The following NRXN1 variants were observed in gnomAD, a reference collection of about 807,000 sequenced individuals.
NRXN1 encodes the protein neurexin-1.
NRXN1 carries 39 observed loss-of-function variants against 150.9 expected under a neutral mutation model. That is an observed-to-expected ratio of 0.26 (90% CI 0.20 to 0.34). NRXN1 has a LOEUF of 0.34. Ranked by LOEUF, NRXN1 falls within the 10% of genes least tolerant of loss-of-function variation. The pLI, the probability that NRXN1 is intolerant of heterozygous loss-of-function variation, is 1.00. For synonymous variants in NRXN1, 924 were observed against 757.0 expected (o/e 1.22, Z -3.62); for missense variants, 1,815 against 1,949.9 (o/e 0.93, Z 1.30).
chr2:50,319,001 A>T (rs1191431964), intron 17 of NRXN1, among the ~76,000 whole-genome samples: 1 of 152,122 alleles, frequency 6.6e-6, no homozygotes, highest in African/African-American at 2.4e-5. Context: ...GCAGTTTAAT[A>T]AACATAATAA....
At chr2:50,297,142 G>C (rs2073681376) in intron 17 of NRXN1, among the ~76,000 whole-genome samples, 1 of 152,132 alleles carries the variant, frequency 6.6e-6, no homozygotes, top group African/African-American at 2.4e-5. Flanking sequence ...ACCCGCCTCA[G>C]CCTCCCAAAG....
chr2:50,517,991 G>T (rs2092678263), intron 12 of NRXN1, among the ~76,000 whole-genome samples: 1 of 151,972 alleles, frequency 6.6e-6, no homozygotes, highest in Non-Finnish European at 1.5e-5. Context: ...GAATAAACAA[G>T]GTTAAAATCA....
chr2:50,323,282 G>A (rs1337467999), intron 17 of NRXN1, among the ~76,000 whole-genome samples: 1 of 152,104 alleles, frequency 6.6e-6, no homozygotes, highest in Non-Finnish European at 1.5e-5. Flanking sequence ...TGATTTATGA[G>A]GTCTGGGTGG....
chr2:50,375,356 A>T (rs1056272128), intron 17 of NRXN1, among the ~76,000 whole-genome samples: 6 of 151,144 alleles, frequency 4.0e-5, no homozygotes, highest in Non-Finnish European at 8.8e-5. Context: ...TGATTTTAGA[A>T]TTACATTTTA....
intron 17 of NRXN1, among the ~76,000 whole-genome samples, chr2:50,367,871 G>A (rs572322083): frequency 5.9e-4 from 90 of 151,994 alleles, no homozygotes; most frequent in Non-Finnish European, 9.0e-4. Flanking sequence ...TTTCCCTTGC[G>A]TTTAATATTC....
chr2:50,340,145 G>A (rs987978462), intron 17 of NRXN1, among the ~76,000 whole-genome samples: 2 of 152,130 alleles, frequency 1.3e-5, no homozygotes, highest in African/African-American at 4.8e-5. Flanking sequence ...AAGCCCTGCC[G>A]TGGTTGTGAT....
At chr2:50,481,822 G>T (rs1301833241) in intron 15 of NRXN1, among the ~76,000 whole-genome samples, 1 of 116,550 alleles carries the variant, frequency 8.6e-6, no homozygotes, top group Non-Finnish European at 1.6e-5. Context: ...CTGGAGTGCA[G>T]TGGCGGGATC....
intron 5 of NRXN1, among the ~76,000 whole-genome samples, chr2:50,871,803 T>C (rs1027466214): frequency 6.6e-5 from 10 of 151,832 alleles, no homozygotes; most frequent in African/African-American, 2.4e-4. Context: ...AGATGTCACA[T>C]TCAATTTCCT....
rs551234985 is a variant in NRXN1 at position 50,414,388 on chromosome 2, T to G, written c.3364+51054A>C. ...AAAAAATTATAAAAACATACCTTTTTTGGGGGAATATTTTTCGAAATATAC... is the reference window on the plus strand; with the variant it reads ...AAAAAATTATAAAAACATACCTTTTGTGGGGGAATATTTTTCGAAATATAC... On this transcript the variant is annotated intron_variant, in intron 17 of 22. Coordinates refer to ENST00000401669, the MANE Select transcript of NRXN1 (RefSeq NM_001330078.2). 2.6e-5 allele frequency among the ~76,000 whole-genome samples: 4 copies of G among 152,216 alleles called. No individual in the cohort carries two copies. In the East Asian group the frequency reaches 7.7e-4, roughly 29 times the overall value.
At chr2:50,204,116 G>A (rs1574478802) in intron 18 of NRXN1, among the ~76,000 whole-genome samples, 1 of 152,012 alleles carries the variant, frequency 6.6e-6, no homozygotes. Flanking sequence ...TCAGTCTTTC[G>A]CCTTAAGTGA....
chr2:50,436,602 G>A (rs1426451648), intron 17 of NRXN1, among the ~76,000 whole-genome samples: 3 of 152,044 alleles, frequency 2.0e-5, no homozygotes, highest in African/African-American at 7.2e-5. Flanking sequence ...TAGGTTTCAG[G>A]GCAGATATTA....
intron 18 of NRXN1, among the ~76,000 whole-genome samples, chr2:50,167,430 T>C (rs1341487482): frequency 2.0e-5 from 3 of 152,032 alleles, no homozygotes; most frequent in African/African-American, 2.4e-5. Context: ...TTAAAACACA[T>C]GTTTAGATAC....
chr2:50,990,851 G>A (rs541820886), intron 2 of NRXN1, among the ~76,000 whole-genome samples: 18 of 151,910 alleles, frequency 1.2e-4, no homozygotes, highest in South Asian at 2.1e-4. Context: ...TGGAGACCTC[G>A]CCATTTCTCA....
chr2:50,846,716 T>C (rs1156741610), intron 5 of NRXN1, among the ~76,000 whole-genome samples: 1 of 152,182 alleles, frequency 6.6e-6, no homozygotes, highest in Non-Finnish European at 1.5e-5. Context: ...CAATTCAAGA[T>C]AAAAATATGA....
At chr2:50,524,448 C>G (rs2092886096) in intron 12 of NRXN1, among the ~76,000 whole-genome samples, 1 of 151,132 alleles carries the variant, frequency 6.6e-6, no homozygotes, top group Non-Finnish European at 1.5e-5. Context: ...CACTGCACTC[C>G]AGCCTGGATG....
At chr2:50,319,337 A>C (rs1376943917) in intron 17 of NRXN1, among the ~76,000 whole-genome samples, 1 of 152,186 alleles carries the variant, frequency 6.6e-6, no homozygotes, top group Non-Finnish European at 1.5e-5. Context: ...CGTAGCATAA[A>C]GTTACACTGG....
At chr2:51,027,441 T>C in intron 2 of NRXN1, 61 bp downstream of exon 2, 3 of 1,454,330 alleles carry the variant, frequency 2.1e-6, no homozygotes, top group South Asian at 1.5e-5. Flanking sequence ...ACCAGCCCGG[T>C]CCCCTCCTCC....
intron 17 of NRXN1, among the ~76,000 whole-genome samples, chr2:50,437,582 AG>A (rs1276360782): frequency 2.0e-5 from 3 of 151,950 alleles, no homozygotes; most frequent in Non-Finnish European, 1.5e-5. Context: ...TCATGTGTTG[AG>A]GGGGTGAGGC....
chr2:49,941,125 T>G (rs1391620002), intron 22 of NRXN1, among the ~76,000 whole-genome samples: 9 of 151,796 alleles, frequency 5.9e-5, no homozygotes, highest in Non-Finnish European at 1.2e-4. Context: ...AAAAACAGGG[T>G]TCCTGCTTCA....
Sources: gnomAD v4.1 joint callset for allele counts (sites outside exome capture counted in the v4.1 genomes callset) on GRCh38, gnomAD v4.1.1 for gene constraint, MANE v1.5 for transcripts, NCBI Gene and HGNC (gene_info 2026-07-23, HGNC 2026-07-21) for gene names.